The following ZHX2 variants were observed in gnomAD, a reference collection of about 807,000 sequenced individuals.
ZHX2 encodes the protein zinc fingers and homeoboxes 2.
ZHX2 carries 6 observed loss-of-function variants against 21.9 expected under a neutral mutation model. The ratio of observed to expected loss-of-function variants is 0.27; its 90% CI spans 0.15 to 0.54. The LOEUF (loss-of-function observed/expected upper bound fraction) is 0.54, where lower values mean the gene tolerates loss of function less well. ZHX2 is among the 20% of genes least tolerant of loss of function. The pLI is 0.95. For missense variants in ZHX2, 908 were observed against 1,090.7 expected, an observed-to-expected ratio of 0.83 and a Z score of 2.36; for synonymous variants, 434 against 437.1, an observed-to-expected ratio of 0.99 and a Z score of 0.09.
chr8:122,784,136 G>A (rs1326190510), intron 1 of ZHX2, among the ~76,000 whole-genome samples: 1 of 152,220 alleles, frequency 6.6e-6, no homozygotes, highest in Non-Finnish European at 1.5e-5. Flanking sequence ...TAAGTGCAGT[G>A]TATCTTGACA....
In ZHX2 at chr8:122,877,231, G is replaced by T. The variant is rs117246341; in HGVS notation, c.-220+13692G>T. On this transcript the variant is annotated intron_variant, in intron 2 of 3. Transcript: ENST00000314393. ...CTATCTACCTTAACCATTGCCATGA[G>T]GTTTAAAATGAAATAAACACATAAG... Among the ~76,000 whole-genome samples, 249 of 152,262 alleles carry T rather than the reference G, an allele frequency of 1.6e-3. 1 individual carries two copies. The East Asian group carries it at 0.036, about 22-fold the overall frequency.
At position 122,914,696 on chromosome 8, in the gene ZHX2, G is replaced by T. The variant is rs79910838; in HGVS notation, c.-219-36596G>T. Among the ~76,000 whole-genome samples the T allele has an allele frequency of 1.5e-3, 229 of 152,234 alleles. 4 individuals are homozygous for T. In the East Asian group the frequency reaches 0.039, roughly 26 times the overall value. ...TTCTATTTGCTAATAAATCTCATGC[G>T]CTCATTCAGACACTTCCATCAGTTC... On this transcript the variant is annotated intron_variant, in intron 2 of 3. Coordinates refer to ENST00000314393, the MANE Select transcript of ZHX2 (RefSeq NM_014943.5).
chr8:122,786,497 G>A (rs1261620269), intron 1 of ZHX2, among the ~76,000 whole-genome samples: 5 of 152,186 alleles, frequency 3.3e-5, no homozygotes, highest in Non-Finnish European at 7.3e-5. Context: ...CACTTTAGTA[G>A]CTGCTGTATG....
intron 1 of ZHX2, among the ~76,000 whole-genome samples, chr8:122,792,238 T>C (rs1180434670): frequency 6.6e-6 from 1 of 152,248 alleles, no homozygotes; most frequent in Non-Finnish European, 1.5e-5. Context: ...GGTGAAATCA[T>C]ACACCATGTG....
At chr8:122,957,556 C>A (rs1813340317) in intron 3 of ZHX2, among the ~76,000 whole-genome samples, 1 of 152,180 alleles carries the variant, frequency 6.6e-6, no homozygotes, top group Admixed American at 6.5e-5. Flanking sequence ...CAACCTCCGC[C>A]TCCCAGGTTC....
rs569172599 is a variant in ZHX2 at position 122,860,682 on chromosome 8, G to A, written c.-282-2795G>A. Among the ~76,000 whole-genome samples the A allele has an allele frequency of 2.0e-5, 3 of 152,300 alleles. No individual in the cohort carries two copies. In the South Asian group the frequency reaches 6.2e-4, roughly 32 times the overall value. ...TGAGGCAGCCGAGTTATGGAGGCAGGAGCGGACAGATCTTCATCAGAAGTT... is the reference window on the plus strand; with the variant it reads ...TGAGGCAGCCGAGTTATGGAGGCAGAAGCGGACAGATCTTCATCAGAAGTT... On this transcript the variant is annotated intron_variant, in intron 1 of 3. Transcript: ENST00000314393.
chr8:122,882,527 C>G (rs1012858220), intron 2 of ZHX2, among the ~76,000 whole-genome samples: 2 of 152,122 alleles, frequency 1.3e-5, no homozygotes. Context: ...ACTTTGGGTC[C>G]CCTAGACTTT....
intron 1 of ZHX2, among the ~76,000 whole-genome samples, chr8:122,820,461 C>T (rs1391341376): frequency 6.6e-6 from 1 of 152,172 alleles, no homozygotes; most frequent in African/African-American, 2.4e-5. Context: ...TAAATAGCAC[C>T]CGCCTCCCTC....
chr8:122,948,411 T>C (rs1813030151), intron 2 of ZHX2, among the ~76,000 whole-genome samples: 1 of 152,218 alleles, frequency 6.6e-6, no homozygotes. Context: ...AAGCAAATTG[T>C]TCCTGTACTT....
chr8:122,804,331 A>G (rs766465771), intron 1 of ZHX2, among the ~76,000 whole-genome samples: 1 of 151,906 alleles, frequency 6.6e-6, no homozygotes, highest in South Asian at 2.1e-4. Flanking sequence ...CTGGTTTCCA[A>G]CTCCTGGCCT....
chr8:122,971,621 A>AT (rs1263184576), intron 3 of ZHX2, among the ~76,000 whole-genome samples: 21 of 139,894 alleles, frequency 1.5e-4, no homozygotes, highest in East Asian at 1.2e-3. Context: ...CAAAAAAAAA[A>AT]AAAAAAAAAA....
At chr8:122,914,363 A>G (rs902018567) in intron 2 of ZHX2, among the ~76,000 whole-genome samples, 11 of 152,230 alleles carry the variant, frequency 7.2e-5, no homozygotes, top group Admixed American at 3.9e-4. Context: ...CAAATGGTGA[A>G]GTGGGGGGAG....
At chr8:122,791,981 A>G (rs180972717) in intron 1 of ZHX2, among the ~76,000 whole-genome samples, 35 of 152,324 alleles carry the variant, frequency 2.3e-4, no homozygotes, top group African/African-American at 7.9e-4. Context: ...TATAACTTAC[A>G]TACCCAAGTG....
intron 2 of ZHX2, among the ~76,000 whole-genome samples, chr8:122,913,114 A>G (rs1182042552): frequency 1.3e-5 from 2 of 152,328 alleles, no homozygotes; most frequent in East Asian, 1.9e-4. Flanking sequence ...TATGAAGGGA[A>G]TCATAGAATA....
intron 2 of ZHX2, among the ~76,000 whole-genome samples, chr8:122,909,885 C>T (rs1244176453): frequency 6.6e-6 from 1 of 152,198 alleles, no homozygotes; most frequent in Non-Finnish European, 1.5e-5. Context: ...CCGCCTAAAA[C>T]CCTGCCTTCA....
At chr8:122,910,787 G>A (rs1352942650) in intron 2 of ZHX2, among the ~76,000 whole-genome samples, 1 of 152,136 alleles carries the variant, frequency 6.6e-6, no homozygotes, top group Non-Finnish European at 1.5e-5. Context: ...CTAACCAGGG[G>A]CAAGGGAATG....
At chr8:122,967,780 G>A (rs544594041) in intron 3 of ZHX2, among the ~76,000 whole-genome samples, 3 of 152,310 alleles carry the variant, frequency 2.0e-5, no homozygotes, top group Non-Finnish European at 2.9e-5. Context: ...GCCTCCAGCC[G>A]GGAGGTGGTG....
intron 1 of ZHX2, among the ~76,000 whole-genome samples, chr8:122,788,964 A>T (rs1586571578): frequency 1.3e-5 from 2 of 152,306 alleles, no homozygotes; most frequent in Admixed American, 6.5e-5. Context: ...AGCCTCTATC[A>T]GTGTCTCCAA....
At chr8:122,943,767 G>C (rs1413854801) in intron 2 of ZHX2, among the ~76,000 whole-genome samples, 1 of 152,146 alleles carries the variant, frequency 6.6e-6, no homozygotes, top group African/African-American at 2.4e-5. Flanking sequence ...TTGAGGGTTT[G>C]TTCTTCATTG....
Sources: allele counts gnomAD v4.1 joint callset (sites outside exome capture counted in the v4.1 genomes callset), GRCh38; gene constraint gnomAD v4.1.1; transcripts MANE v1.5; gene names NCBI Gene and HGNC (gene_info 2026-07-23, HGNC 2026-07-21).